DOCK5: variants seen among roughly 807,000 people sequenced by gnomAD.
DOCK5 encodes the protein dedicator of cytokinesis 5.
A neutral mutation model predicts 251.8 loss-of-function variants in DOCK5; 142 were observed. The observed-to-expected ratio is 0.56, with a 90% CI of 0.49 to 0.65. The LOEUF (loss-of-function observed/expected upper bound fraction) is 0.65. DOCK5 is among the 30% of genes least tolerant of loss of function. DOCK5 has a pLI of 0.00. For missense variants in DOCK5, 2,111 were observed against 2,312.3 expected (o/e 0.91, Z 1.79); for synonymous variants, 842 against 835.5 (o/e 1.01, Z -0.13).
At chr8:25,369,663 C>A (rs775526635) in intron 34 of DOCK5, 22 bp downstream of exon 34, 94 of 1,583,162 alleles carry the variant, frequency 5.9e-5, no homozygotes, top group Non-Finnish European at 7.1e-5. Context: ...AGGAACGAAA[C>A]CTGAAGTCAG....
chr8:25,352,083 C>T (rs981915891), intron 27 of DOCK5, among the ~76,000 whole-genome samples: 2 of 151,622 alleles, frequency 1.3e-5, no homozygotes, highest in Non-Finnish European at 2.9e-5. Context: ...GGTGGTGGCA[C>T]GTGCCTGTGG....
At chr8:25,278,120 A>T (rs988189139) in intron 4 of DOCK5, among the ~76,000 whole-genome samples, 1 of 152,008 alleles carries the variant, frequency 6.6e-6, no homozygotes, top group African/African-American at 2.4e-5. Context: ...CCCCACCTCT[A>T]CCCTGGCCTC....
chr8:25,301,637 G>C (rs888271608), intron 9 of DOCK5, among the ~76,000 whole-genome samples: 3 of 151,894 alleles, frequency 2.0e-5, no homozygotes, highest in African/African-American at 7.3e-5. Flanking sequence ...GGCCAAGGAG[G>C]CTGGATCCCT....
chr8:25,268,193 T>G (rs1286073993), intron 2 of DOCK5, among the ~76,000 whole-genome samples: 2 of 151,820 alleles, frequency 1.3e-5, no homozygotes, highest in Non-Finnish European at 2.9e-5. Flanking sequence ...AGCCTTTACC[T>G]AAAGCCTCAG....
intron 23 of DOCK5, 99 bp from the exon 24 acceptor site, chr8:25,341,640 A>T: frequency 1.0e-6 from 1 of 977,778 alleles, no homozygotes; most frequent in East Asian, 2.6e-5. Flanking sequence ...AGTTCCCTAT[A>T]TAAGTTCCAA....
chr8:25,361,607 C>T (rs1800681048), intron 28 of DOCK5, among the ~76,000 whole-genome samples: 1 of 152,078 alleles, frequency 6.6e-6, no homozygotes, highest in Non-Finnish European at 1.5e-5. Flanking sequence ...AAGCAAGACT[C>T]CATCTCGAAA....
At position 25,364,669 on chromosome 8, in the gene DOCK5, A is replaced by G. The variant is rs1800745253; in HGVS notation, c.3088A>G (p.Arg1030Gly). 2 of 1,600,496 alleles carry G rather than the reference A, an allele frequency of 1.2e-6. No individual in the cohort carries two copies. The highest frequency in any genetic ancestry group is 8.5e-7 in the Non-Finnish European group (1 of 1,172,034). The stretch of plus-strand genomic sequence containing the variant: ...AAATCAGTTTGCTGAAGTTCTCACA[A>G]GATTCTTCATGGATCAGGCAAGCTT... ...AINQFAEVLTRFFMDQASFEL... is the reference protein window; with the variant it reads ...AINQFAEVLTGFFMDQASFEL... The change falls in exon 30 of 52, where the codon AGA becomes GGA. Residue 1030 changes from arginine (R) to glycine (G), a missense_variant. This residue lies in a region of DOCK5 where 1,717 missense variants were observed against 1,892.4 expected (regional missense o/e 0.91). Coordinates refer to ENST00000276440, the MANE Select transcript of DOCK5 (RefSeq NM_024940.8).
rs139763135 is a variant in DOCK5 at position 25,342,425 on chromosome 8, A to G, written c.2535A>G (p.Gln845=). ...GCGTGCTCTTCTGCAAATTCATTCAAAGCATTCCTGACAACCAGCTGGTTC... is the reference window on the plus strand; with the variant it reads ...GCGTGCTCTTCTGCAAATTCATTCAGAGCATTCCTGACAACCAGCTGGTTC... ...ELSVLFCKFI[Q]SIPDNQLVRQ... is the part of the protein sequence containing the mutation. Residue 845 remains glutamine, a synonymous_variant, in exon 25 of 52, where the codon CAA becomes CAG. Transcript: ENST00000276440. The G allele has an allele frequency of 1.3e-5, 20 of 1,598,172 alleles. No homozygotes were observed. The African/African-American group carries it at 1.7e-4, about 14-fold the overall frequency.
chr8:25,375,985 C>G, intron 37 of DOCK5: 2 of 770,652 alleles, frequency 2.6e-6, no homozygotes, highest in Non-Finnish European at 3.2e-6. Flanking sequence ...GTAGTCCCAG[C>G]TACTCAGGAG....
intron 26 of DOCK5, among the ~76,000 whole-genome samples, chr8:25,347,787 C>T (rs555122177): frequency 6.6e-6 from 1 of 152,306 alleles, no homozygotes; most frequent in African/African-American, 2.4e-5. Context: ...GCCTCAGTCT[C>T]CTAACCCAGT....
Position 25,184,831 on chromosome 8 carries a change from A to G in DOCK5, c.-78A>G, listed in dbSNP as rs541872237. ...GGCGGAAGCGTCTGGGGCACGCAGGAGCGCGGGGCGGCGGCGGCCGGAGCC... is the reference window on the plus strand; with the variant it reads ...GGCGGAAGCGTCTGGGGCACGCAGGGGCGCGGGGCGGCGGCGGCCGGAGCC... On this transcript the variant is annotated 5_prime_UTR_variant, in exon 1 of 52. Coordinates refer to ENST00000276440, the MANE Select transcript of DOCK5 (RefSeq NM_024940.8). 3.9e-5 allele frequency: 48 copies of G among 1,230,654 alleles called. No individual in the cohort carries two copies. Among genetic ancestry groups the G allele is most frequent in the Admixed American group, 1.3e-4 (3 of 23,582 alleles). 76.2% of individuals were successfully genotyped at this position (1,230,654 alleles called of 1,614,324 possible).
At chr8:25,322,445 C>A (rs1805449167) in intron 16 of DOCK5, among the ~76,000 whole-genome samples, 1 of 152,142 alleles carries the variant, frequency 6.6e-6, no homozygotes, top group African/African-American at 2.4e-5. Context: ...CAAATGAACT[C>A]AGTATGGCTA....
intron 1 of DOCK5, among the ~76,000 whole-genome samples, chr8:25,231,874 C>A (rs1802677239): frequency 6.6e-6 from 1 of 152,002 alleles, no homozygotes; most frequent in African/African-American, 2.4e-5. Flanking sequence ...GAATAGAGAT[C>A]AGATTTTACC....
chr8:25,255,266 C>T (rs889568550), intron 2 of DOCK5, among the ~76,000 whole-genome samples: 2 of 152,202 alleles, frequency 1.3e-5, no homozygotes, highest in Non-Finnish European at 2.9e-5. Context: ...ATGTTTGTAG[C>T]AGCTTTATTC....
At chr8:25,361,342 A>G (rs1346502881) in intron 28 of DOCK5, among the ~76,000 whole-genome samples, 1 of 152,094 alleles carries the variant, frequency 6.6e-6, no homozygotes, top group Non-Finnish European at 1.5e-5. Flanking sequence ...GGATGTGGTG[A>G]CTCATGCCTG....
chr8:25,362,997 A>G (rs774767736), intron 28 of DOCK5, 50 bp from the exon 29 acceptor site: 1 of 1,398,222 alleles, frequency 7.2e-7, no homozygotes, highest in Non-Finnish European at 1.0e-6. Flanking sequence ...CAGAATAAAG[A>G]CTATGAACGT....
rs1801659225 is a variant in DOCK5 at position 25,413,131 on chromosome 8, G to A, written c.*1833G>A. 1 of 152,174 alleles carries A rather than the reference G, an allele frequency of 6.6e-6. No homozygotes were observed. Among genetic ancestry groups the A allele is most frequent in the Admixed American group, 6.5e-5 (1 of 15,272 alleles). The allele number at this position is 152,174 out of a possible 1,614,324, so 9.4% of individuals were successfully genotyped here. ...TGAGTTTTCATTTTCTCACCTTCCAGAATGGGGATAATGCCTCCTGCATCG... is the reference window on the plus strand; with the variant it reads ...TGAGTTTTCATTTTCTCACCTTCCAAAATGGGGATAATGCCTCCTGCATCG... On this transcript the variant is annotated 3_prime_UTR_variant, in exon 52 of 52. Transcript: ENST00000276440.
chr8:25,276,995 A>G (rs930820483), intron 4 of DOCK5: 1 of 152,270 alleles, frequency 6.6e-6, no homozygotes, highest in African/African-American at 2.4e-5. Flanking sequence ...CACTGCTAAA[A>G]TTATGTTCAC....
intron 1 of DOCK5, among the ~76,000 whole-genome samples, chr8:25,217,110 GTA>G (rs1802268133): frequency 6.8e-6 from 1 of 147,424 alleles, no homozygotes; most frequent in Admixed American, 6.8e-5. Context: ...ACATATATAC[GTA>G]TATATGTGTA....
Sources: gnomAD v4.1 joint callset for allele counts (sites outside exome capture counted in the v4.1 genomes callset) on GRCh38, gnomAD v4.1.1 for gene constraint, gnomAD v4.1.1 regional missense constraint, MANE v1.5 for transcripts, NCBI Gene and HGNC (gene_info 2026-07-23, HGNC 2026-07-21) for gene names.